Variants in SLC6A3 observed in about 807,000 individuals in gnomAD.
SLC6A3 encodes the protein sodium-dependent dopamine transporter.
Under a neutral mutation model 70.4 loss-of-function variants are expected in SLC6A3, and 19 were observed. The ratio of observed to expected loss-of-function variants is 0.27; its 90% CI spans 0.19 to 0.40. SLC6A3 has a LOEUF of 0.40. Ranked by LOEUF, SLC6A3 falls within the 10% of genes least tolerant of loss-of-function variation. The pLI is 1.00. For missense variants in SLC6A3, 613 were observed against 838.5 expected (o/e 0.73, Z 3.32); for synonymous variants, 368 against 356.6 (o/e 1.03, Z -0.36).
rs764262324 is a variant in SLC6A3, at chr5:1,404,530, G to A, written c.1600-1441C>T. 4.4e-4 allele frequency among the ~76,000 whole-genome samples: 67 copies of A among 152,162 alleles called. No individual in the cohort carries two copies. Among genetic ancestry groups the A allele is most frequent in the Non-Finnish European group, 6.8e-4 (46 of 68,026 alleles). On this transcript the variant is annotated intron_variant, in intron 12 of 14. Transcript: ENST00000270349. This position sits in a 1 kb window ranked among gnomAD's most constrained non-coding sequence, Gnocchi z 5.2. ...TGCCCATGTAAGTTGCCTTTGCTCCGGCATAATTTCCCTTTAGCAGTGCTG... is the reference window on the plus strand; with the variant it reads ...TGCCCATGTAAGTTGCCTTTGCTCCAGCATAATTTCCCTTTAGCAGTGCTG...
Position 1,401,017 on chromosome 5 carries a change from G to A in SLC6A3, c.1768-31C>T. On this transcript the variant is annotated intron_variant, in intron 13 of 14. Coordinates refer to ENST00000270349, the MANE Select transcript of SLC6A3 (RefSeq NM_001044.5). The surrounding 1 kb of genome is among the most constrained non-coding windows in gnomAD (Gnocchi z 6.1). The stretch of plus-strand genomic sequence containing the variant: ...AGAGAAAGAGAGTGCAGGGGTCAGT[G>A]CAGACCAGTACCCACTGCCAGCACC... 2 of 1,537,808 alleles carry A rather than the reference G, an allele frequency of 1.3e-6. No individual in the cohort carries two copies. Among genetic ancestry groups the A allele is most frequent in the Non-Finnish European group, 8.9e-7 (1 of 1,124,346 alleles).
At chr5:1,414,589 G>A (rs1308130287) in intron 8 of SLC6A3, 102 bp downstream of exon 8, 16 of 1,369,122 alleles carry the variant, frequency 1.2e-5, no homozygotes, top group Non-Finnish European at 1.5e-5. Context: ...AGTCGCTCAG[G>A]GCCCATGCGT....
rs930025319 is a variant in SLC6A3, at chr5:1,402,244, G to A, written c.1767+678C>T. 6.6e-6 allele frequency among the ~76,000 whole-genome samples: 1 copy of A among 152,008 alleles called. No individual in the cohort carries two copies. The highest frequency in any genetic ancestry group is 1.5e-5 in the Non-Finnish European group (1 of 67,990). On this transcript the variant is annotated intron_variant, in intron 13 of 14. Coordinates refer to ENST00000270349, the MANE Select transcript of SLC6A3 (RefSeq NM_001044.5). The surrounding 1 kb of genome is among the most constrained non-coding windows in gnomAD (Gnocchi z 8.5). The stretch of plus-strand genomic sequence containing the variant: ...AGGGCGACCCTCTTCCAAGGAGGGA[G>A]TGTCCTTGTCTCTTCCTGGAACCAC...
At position 1,438,750 on chromosome 5, in the gene SLC6A3, A is replaced by G. The variant is rs539540576; in HGVS notation, c.418+2609T>C. 3.3e-5 allele frequency among the ~76,000 whole-genome samples: 5 copies of G among 152,318 alleles called. No individual in the cohort carries two copies. The East Asian group carries it at 9.6e-4, about 29-fold the overall frequency. On this transcript the variant is annotated intron_variant, in intron 3 of 14. Transcript: ENST00000270349. This position sits in a 1 kb window ranked among gnomAD's most constrained non-coding sequence, Gnocchi z 6.5. Reference sequence around the variant, plus strand: ...AGGCTCACTGGCGGGAGTGGGGCACAGGGCTGTGCCTTGTAAGACACTTGT... The same window carrying G: ...AGGCTCACTGGCGGGAGTGGGGCACGGGGCTGTGCCTTGTAAGACACTTGT...
rs1368259153 is a variant in SLC6A3 at position 1,432,007 on chromosome 5, T to G, written c.653+457A>C. 2.0e-5 allele frequency among the ~76,000 whole-genome samples: 3 copies of G among 152,158 alleles called. No homozygotes were observed. The East Asian group carries it at 5.8e-4, about 29-fold the overall frequency. On this transcript the variant is annotated intron_variant, in intron 4 of 14. Coordinates refer to ENST00000270349, the MANE Select transcript of SLC6A3 (RefSeq NM_001044.5). ...CAGTGACACCCAGAAAGTTATCTTT[T>G]CTGGAGAGGGCAAGGGCCGGAGTGA...
At chr5:1,424,978 G>A (rs916601870) in intron 4 of SLC6A3, among the ~76,000 whole-genome samples, 2 of 152,240 alleles carry the variant, frequency 1.3e-5, no homozygotes, top group Non-Finnish European at 2.9e-5. Context: ...ATGCTTCTGA[G>A]GGCAGGGCAG....
At chr5:1,407,241 G>A (rs1249063062) in intron 11 of SLC6A3, among the ~76,000 whole-genome samples, 1 of 152,222 alleles carries the variant, frequency 6.6e-6, no homozygotes, top group Non-Finnish European at 1.5e-5. Flanking sequence ...TTTGGGGCAA[G>A]TCTTGCGGTT....
intron 4 of SLC6A3, among the ~76,000 whole-genome samples, chr5:1,426,725 A>G (rs1756582894): frequency 6.6e-6 from 1 of 152,202 alleles, no homozygotes; most frequent in Admixed American, 6.5e-5. Context: ...CAGAGGAGGG[A>G]CCTAGAGTAG....
In SLC6A3 at chr5:1,401,185, C is replaced by A. The variant is rs527935703; in HGVS notation, c.1768-199G>T. On this transcript the variant is annotated intron_variant, in intron 13 of 14. Coordinates refer to ENST00000270349, the MANE Select transcript of SLC6A3 (RefSeq NM_001044.5). The surrounding 1 kb of genome is among the most constrained non-coding windows in gnomAD (Gnocchi z 6.1). ...ACTGCCAGTGCCCATGCCGACCAGACAGCCAGTCAGGCCCGAAGCCAACAT... is the reference window on the plus strand; with the variant it reads ...ACTGCCAGTGCCCATGCCGACCAGAAAGCCAGTCAGGCCCGAAGCCAACAT... 314 of 700,724 alleles carry A rather than the reference C, an allele frequency of 4.5e-4. 5 individuals are homozygous for A. The Middle Eastern group carries it at 5.1e-3, about 11-fold the overall frequency. The allele number at this position is 700,724 out of a possible 1,614,324, so 43.4% of individuals were successfully genotyped here. A position where few individuals can be genotyped will look rare whatever the true frequency, so the allele number is the denominator to read the frequency against.
intron 6 of SLC6A3, among the ~76,000 whole-genome samples, chr5:1,417,729 C>G (rs1756340099): frequency 6.6e-6 from 1 of 152,380 alleles, no homozygotes; most frequent in Non-Finnish European, 1.5e-5. Flanking sequence ...AGCCAACCCC[C>G]CCTTGGAGGC....
At chr5:1,430,072 C>T (rs1199536560) in intron 4 of SLC6A3, among the ~76,000 whole-genome samples, 1 of 152,266 alleles carries the variant, frequency 6.6e-6, no homozygotes, top group South Asian at 2.1e-4. Flanking sequence ...TGGCGATGCT[C>T]GTCCAAGTGT....
At chr5:1,433,768 GCCATCCACAACCATCCAT>G (rs906327040) in intron 3 of SLC6A3, among the ~76,000 whole-genome samples, 4 of 150,350 alleles carry the variant, frequency 2.7e-5, no homozygotes, top group Admixed American at 1.3e-4. Context: ...TCCATCCACG[GCCATCCACAACCATCCAT>G]CCATCCACAA....
At chr5:1,400,228 G>T (rs1755813175) in intron 14 of SLC6A3, among the ~76,000 whole-genome samples, 1 of 152,158 alleles carries the variant, frequency 6.6e-6, no homozygotes, top group African/African-American at 2.4e-5. Context: ...TCTCCTGCTG[G>T]CCAGCTCTGT....
rs140360077 is a variant in SLC6A3 at position 1,429,992 on chromosome 5, C to T, written c.653+2472G>A. 4.7e-3 allele frequency among the ~76,000 whole-genome samples: 717 copies of T among 152,282 alleles called. 9 individuals carry two copies. The highest frequency in any genetic ancestry group is 0.017 in the African/African-American group (699 of 41,540). ...ATTATTTGGACAATTTTATCATTTCCCGCTTGCCTGTCACCCACGAGAGTC... is the reference window on the plus strand; with the variant it reads ...ATTATTTGGACAATTTTATCATTTCTCGCTTGCCTGTCACCCACGAGAGTC... On this transcript the variant is annotated intron_variant, in intron 4 of 14. Transcript: ENST00000270349.
At chr5:1,414,459 C>CAGAGAAGGCACT (rs1756214991) in intron 8 of SLC6A3, among the ~76,000 whole-genome samples, 1 of 72,578 alleles carries the variant, frequency 1.4e-5, no homozygotes, top group African/African-American at 5.7e-5. Flanking sequence ...AGGGGCAGGG[C>CAGAGAAGGCACT]GGGGAAGGCG....
At chr5:1,420,506 T>TC (rs1756407514) in intron 6 of SLC6A3, 63 bp downstream of exon 6, 21 of 1,598,424 alleles carry the variant, frequency 1.3e-5, no homozygotes, top group Non-Finnish European at 1.7e-5. Flanking sequence ...AGGCAATGCA[T>TC]ATGGAAACCT....
Position 1,406,323 on chromosome 5 carries a change from G to A in SLC6A3, c.1499-35C>T. 1.3e-6 allele frequency: 2 copies of A among 1,549,110 alleles called. No homozygotes were observed. The highest frequency in any genetic ancestry group is 1.8e-6 in the Non-Finnish European group (2 of 1,121,872). On this transcript the variant is annotated intron_variant, in intron 11 of 14. Coordinates refer to ENST00000270349, the MANE Select transcript of SLC6A3 (RefSeq NM_001044.5). The surrounding 1 kb of genome is among the most constrained non-coding windows in gnomAD (Gnocchi z 8.8). ...AAGAGGTGGCATCAGTGTCCATCAG[G>A]GCAGCGCATTCCCCCGATGCTGGAC...
rs1401732195 is a variant in SLC6A3 at position 1,396,722 on chromosome 5, G to A, written c.1840-1964C>T. Among the ~76,000 whole-genome samples, 2 of 152,184 alleles carry A rather than the reference G, an allele frequency of 1.3e-5. No homozygotes were observed. Among genetic ancestry groups the A allele is most frequent in the Admixed American group, 6.5e-5 (1 of 15,286 alleles). ...CTGATGCCCACACAGGGCTGGGCAC[G>A]GTGCCTGTTCCCCCAGCCAGGAGAA... On this transcript the variant is annotated intron_variant, in intron 14 of 14. Transcript: ENST00000270349. The surrounding 1 kb of genome is among the most constrained non-coding windows in gnomAD (Gnocchi z 7.0).
rs28363086 is a variant in SLC6A3 at position 1,413,263 on chromosome 5, T to C, written c.1156+1428A>G. On this transcript the variant is annotated intron_variant, in intron 8 of 14. Transcript: ENST00000270349. The surrounding 1 kb of genome is among the most constrained non-coding windows in gnomAD (Gnocchi z 7.1). ...TGCATTTATTTGCAGATGTTCCCTT[T>C]CTCCCGCTTTGACTGAATTTTTTTT... is the stretch of plus-strand genomic sequence containing the variant. Among the ~76,000 whole-genome samples, 294 of 152,322 alleles carry C rather than the reference T, an allele frequency of 1.9e-3. No homozygotes were observed. Among genetic ancestry groups the C allele is most frequent in the East Asian group, 0.01 (53 of 5,172 alleles).
Sources: gnomAD v4.1 joint callset for allele counts (sites outside exome capture counted in the v4.1 genomes callset) on GRCh38, gnomAD v4.1.1 for gene constraint, Gnocchi (gnomAD v3.1) non-coding constraint, MANE v1.5 for transcripts, NCBI Gene and HGNC (gene_info 2026-07-23, HGNC 2026-07-21) for gene names.